SRGAP2: variants seen among roughly 807,000 people sequenced by gnomAD.
The protein encoded by SRGAP2 is SLIT-ROBO Rho GTPase-activating protein 2.
A neutral mutation model predicts 57.2 loss-of-function variants in SRGAP2; 15 were observed. That is an observed-to-expected ratio of 0.26 (90% CI 0.18 to 0.40). The LOEUF is 0.40. Ranked by LOEUF, SRGAP2 falls within the 10% of genes least tolerant of loss-of-function variation. The pLI is 1.00. For synonymous variants in SRGAP2, 249 were observed against 248.0 expected, an observed-to-expected ratio of 1.00 and a Z score of -0.04; for missense variants, 520 against 669.6, an observed-to-expected ratio of 0.78 and a Z score of 2.47.
At chr1:206,241,631 A>G (rs1258099623) in intron 2 of SRGAP2, among the ~76,000 whole-genome samples, 1 of 151,924 alleles carries the variant, frequency 6.6e-6, no homozygotes, top group Non-Finnish European at 1.5e-5. Flanking sequence ...CCGAAGCAGT[A>G]TGGTGCTTGG....
At chr1:206,214,921 T>A (rs78132497) in intron 2 of SRGAP2, 1 of 152,178 alleles carries the variant, frequency 6.6e-6, no homozygotes, top group Non-Finnish European at 1.5e-5. Flanking sequence ...CCCACACAGT[T>A]CTTCTCTTAA....
chr1:206,421,627 C>T (rs1660316983), intron 13 of SRGAP2, among the ~76,000 whole-genome samples: 1 of 152,214 alleles, frequency 6.6e-6, no homozygotes, highest in Non-Finnish European at 1.5e-5. Context: ...ATCAGTAACT[C>T]ACAGCACCTA....
In SRGAP2 at chr1:206,363,431, A is replaced by T. The variant is rs552228199; in HGVS notation, c.423+20423A>T. 5.5e-3 allele frequency among the ~76,000 whole-genome samples: 842 copies of T among 152,282 alleles called. 11 individuals are homozygous for T. Among genetic ancestry groups the T allele is most frequent in the African/African-American group, 0.019 (809 of 41,542 alleles). On this transcript the variant is annotated intron_variant, in intron 4 of 22. Transcript: ENST00000573034. ...TCCAATATTTGGGGGCGAGATTTTT[A>T]AAAAATCTCGTATAAGCACAGTACA...
At chr1:206,409,789 AAAAG>A (rs1346997240) in intron 10 of SRGAP2, among the ~76,000 whole-genome samples, 2 of 149,764 alleles carry the variant, frequency 1.3e-5, no homozygotes, top group Non-Finnish European at 3.0e-5. Context: ...CTAAAAAAAA[AAAAG>A]AAAGATTAAA....
intron 4 of SRGAP2, among the ~76,000 whole-genome samples, chr1:206,344,825 A>C (rs1217440862): frequency 6.6e-6 from 1 of 151,814 alleles, no homozygotes; most frequent in Middle Eastern, 3.2e-3. Flanking sequence ...AGGTAGGTAC[A>C]TGGCATGTAT....
At chr1:206,226,724 A>G (rs1356007177) in intron 2 of SRGAP2, among the ~76,000 whole-genome samples, 1 of 152,140 alleles carries the variant, frequency 6.6e-6, no homozygotes, top group African/African-American at 2.4e-5. Flanking sequence ...TTTTGATGAG[A>G]CTTGACCTAT....
In SRGAP2 at chr1:206,454,692, C is replaced by T. The variant is rs72752968; in HGVS notation, c.2361-186C>T. ...AGCGGATTATTTATTTTTATTTAAA[C>T]GACCCTTCAAAGGCCCTTAGGTTTC... On this transcript the variant is annotated intron_variant, in intron 20 of 22. Coordinates refer to ENST00000573034, the MANE Select transcript of SRGAP2 (RefSeq NM_015326.5). This position sits in a 1 kb window ranked among gnomAD's most constrained non-coding sequence, Gnocchi z 4.3. 3,680 of 565,502 alleles carry T rather than the reference C, an allele frequency of 6.5e-3. 11 individuals are homozygous for T. Among genetic ancestry groups the T allele is most frequent in the Non-Finnish European group, 8.4e-3 (2,683 of 321,312 alleles). 35.0% of individuals were successfully genotyped at this position (565,502 alleles called of 1,614,324 possible).
intron 3 of SRGAP2, among the ~76,000 whole-genome samples, chr1:206,314,168 C>G (rs1368919270): frequency 2.8e-5 from 4 of 143,622 alleles, no homozygotes; most frequent in African/African-American, 1.0e-4. Flanking sequence ...GAGTTTCGCT[C>G]TTGTTGCCCA....
At chr1:206,411,683 A>G (rs1023531715) in intron 10 of SRGAP2, among the ~76,000 whole-genome samples, 5 of 152,224 alleles carry the variant, frequency 3.3e-5, no homozygotes, top group Non-Finnish European at 5.9e-5. Flanking sequence ...GTTCACGCAG[A>G]TTAAATCCAA....
Position 206,461,754 on chromosome 1 carries a change from A to C in SRGAP2, c.*334A>C, listed in dbSNP as rs1352220813. 4.1e-6 allele frequency: 1 copy of C among 246,786 alleles called. No homozygotes were observed. 15.3% of individuals were successfully genotyped at this position (246,786 alleles called of 1,614,324 possible). A position where few individuals can be genotyped will look rare whatever the true frequency, so the allele number is the denominator to read the frequency against. Reference sequence around the variant, plus strand: ...CATGGGCTCAAGTCTCAGTCCCCTCAGACCACGGTGATGCCTTGACCAGAT... The same window carrying C: ...CATGGGCTCAAGTCTCAGTCCCCTCCGACCACGGTGATGCCTTGACCAGAT... On this transcript the variant is annotated 3_prime_UTR_variant, in exon 23 of 23. Coordinates refer to ENST00000573034, the MANE Select transcript of SRGAP2 (RefSeq NM_015326.5).
intron 13 of SRGAP2, among the ~76,000 whole-genome samples, chr1:206,429,201 A>G (rs1661075352): frequency 6.6e-6 from 1 of 152,204 alleles, no homozygotes; most frequent in East Asian, 1.9e-4. Flanking sequence ...AAGCAAAACA[A>G]CAGAGCAAAG....
intron 3 of SRGAP2, among the ~76,000 whole-genome samples, chr1:206,326,073 T>C (rs1673854934): frequency 6.7e-6 from 1 of 148,614 alleles, no homozygotes; most frequent in Admixed American, 6.7e-5. Context: ...GACTCCAGAC[T>C]GGGAATCTTC....
intron 2 of SRGAP2, among the ~76,000 whole-genome samples, chr1:206,291,149 C>G (rs1398593348): frequency 6.6e-6 from 1 of 151,400 alleles, no homozygotes; most frequent in Admixed American, 6.6e-5. Context: ...TGACAGACAA[C>G]CACATGAGGC....
At chr1:206,365,595 G>A (rs1341111114) in intron 4 of SRGAP2, among the ~76,000 whole-genome samples, 13 of 131,500 alleles carry the variant, frequency 9.9e-5, no homozygotes, top group Non-Finnish European at 1.4e-4. Flanking sequence ...CTTCTGGCCC[G>A]TAATACTCAC....
At chr1:206,268,494 G>A (rs1670014302) in intron 2 of SRGAP2, among the ~76,000 whole-genome samples, 1 of 152,154 alleles carries the variant, frequency 6.6e-6, no homozygotes, top group South Asian at 2.1e-4. Context: ...TAAGGAAAGG[G>A]TGGAAGAATA....
At chr1:206,460,898 T>C in intron 22 of SRGAP2, 139 bp from the exon 23 acceptor site, 1 of 499,668 alleles carries the variant, frequency 2.0e-6, no homozygotes, top group Non-Finnish European at 3.5e-6. Context: ...CATTCATATG[T>C]TCAAAGATTT....
chr1:206,449,500 G>C (rs1385541276), intron 18 of SRGAP2, among the ~76,000 whole-genome samples: 2 of 149,970 alleles, frequency 1.3e-5, no homozygotes, highest in South Asian at 2.1e-4. Context: ...AAGTTGCCCA[G>C]GCTGGTCCCA....
At chr1:206,425,635 A>T (rs1660724948) in intron 13 of SRGAP2, among the ~76,000 whole-genome samples, 1 of 152,158 alleles carries the variant, frequency 6.6e-6, no homozygotes, top group Admixed American at 6.6e-5. Context: ...CCTCAATTCA[A>T]GCAGTTCTCA....
chr1:206,334,944 A>G (rs1571887075), intron 3 of SRGAP2, among the ~76,000 whole-genome samples: 1 of 151,058 alleles, frequency 6.6e-6, no homozygotes, highest in South Asian at 2.1e-4. Context: ...AATCAAAGAT[A>G]TAATTGTAGA....
Sources: gnomAD v4.1 joint callset for allele counts (sites outside exome capture counted in the v4.1 genomes callset) on GRCh38, gnomAD v4.1.1 for gene constraint, Gnocchi (gnomAD v3.1) non-coding constraint, MANE v1.5 for transcripts, NCBI Gene and HGNC (gene_info 2026-07-23, HGNC 2026-07-21) for gene names.